The following SPMIP4 variants were observed in gnomAD, a reference collection of about 807,000 sequenced individuals.
SPMIP4 encodes sperm-associated microtubule inner protein 4.
At chr7:25,168,706 AGTGT>A in the SPMIP4 span, among the ~76,000 whole-genome samples, 1 of 151,208 alleles carries the variant, frequency 6.6e-6, no homozygotes. Context: ...CATCAGTTAT[AGTGT>A]GTTTATTTTT....
chr7:25,161,164 T>C, the SPMIP4 span: 5 of 1,392,868 alleles, frequency 3.6e-6, no homozygotes, highest in Non-Finnish European at 4.9e-6. Flanking sequence ...TTTGATTTTA[T>C]ATAAGGAAAA....
chr7:25,136,024 G>A, the SPMIP4 span: 67 of 1,613,216 alleles, frequency 4.2e-5, no homozygotes, highest in South Asian at 2.6e-4. The surrounding 1 kb of genome is among the most constrained non-coding windows in gnomAD (Gnocchi z 5.7). Flanking sequence ...CTTCATCCCC[G>A]AATGCTCATT....
the SPMIP4 span, among the ~76,000 whole-genome samples, chr7:25,146,133 T>A: frequency 6.6e-6 from 1 of 152,158 alleles, no homozygotes; most frequent in African/African-American, 2.4e-5. Context: ...TTCATTTACA[T>A]CTGGAATGAA....
chr7:25,157,811 C>T, the SPMIP4 span, among the ~76,000 whole-genome samples: 2 of 152,080 alleles, frequency 1.3e-5, no homozygotes, highest in Non-Finnish European at 2.9e-5. Flanking sequence ...CTGGATAAAG[C>T]ATGGATTTTG....
At chr7:25,129,453 G>A in the SPMIP4 span, among the ~76,000 whole-genome samples, 61 of 152,272 alleles carry the variant, frequency 4.0e-4, no homozygotes, top group Non-Finnish European at 5.6e-4. Context: ...TCACTGCCCT[G>A]TCCCTTCCGC....
At chr7:25,171,066 A>G in the SPMIP4 span, among the ~76,000 whole-genome samples, 2 of 152,218 alleles carry the variant, frequency 1.3e-5, no homozygotes, top group Non-Finnish European at 2.9e-5. Flanking sequence ...GAAGCCCTCC[A>G]GGTGATTCTT....
chr7:25,167,744 A>T, the SPMIP4 span, among the ~76,000 whole-genome samples: 1 of 152,234 alleles, frequency 6.6e-6, no homozygotes, highest in Admixed American at 6.5e-5. Flanking sequence ...AGTGTATGAT[A>T]GACTCTGCTC....
the SPMIP4 span, among the ~76,000 whole-genome samples, chr7:25,146,071 T>C: frequency 3.3e-5 from 5 of 152,266 alleles, 1 homozygote; most frequent in African/African-American, 1.2e-4. Flanking sequence ...GATATTTTAA[T>C]TAATTCTATT....
At chr7:25,154,916 G>T in the SPMIP4 span, 5 of 1,181,324 alleles carry the variant, frequency 4.2e-6, no homozygotes, top group Non-Finnish European at 6.0e-6. Context: ...ACACATTTGT[G>T]ACTTGAGTCC....
the SPMIP4 span, among the ~76,000 whole-genome samples, chr7:25,158,222 G>T: frequency 1.3e-5 from 2 of 151,456 alleles, no homozygotes; most frequent in East Asian, 3.9e-4. Flanking sequence ...ACAAAAATTA[G>T]CCAGGCATAG....
chr7:25,143,989 G>T, the SPMIP4 span, among the ~76,000 whole-genome samples: 1 of 152,210 alleles, frequency 6.6e-6, no homozygotes, highest in African/African-American at 2.4e-5. Flanking sequence ...GGAGGGTGAA[G>T]ACAAGAGGCC....
At chr7:25,139,956 G>A in the SPMIP4 span, among the ~76,000 whole-genome samples, 11 of 152,034 alleles carry the variant, frequency 7.2e-5, no homozygotes, top group South Asian at 6.2e-4. Flanking sequence ...ATTTTATCTC[G>A]TTATTCATAA....
At chr7:25,164,429 C>T in the SPMIP4 span, among the ~76,000 whole-genome samples, 1 of 152,066 alleles carries the variant, frequency 6.6e-6, no homozygotes, top group Non-Finnish European at 1.5e-5. Context: ...CTTTTGAACA[C>T]CTAGTATTGT....
chr7:25,143,799 T>C, the SPMIP4 span, among the ~76,000 whole-genome samples: 1 of 152,150 alleles, frequency 6.6e-6, no homozygotes, highest in Non-Finnish European at 1.5e-5. Context: ...GGTCTCATCA[T>C]GTTGCCCAGG....
At chr7:25,143,448 G>T in the SPMIP4 span, among the ~76,000 whole-genome samples, 1 of 152,152 alleles carries the variant, frequency 6.6e-6, no homozygotes, top group African/African-American at 2.4e-5. Context: ...CACAGTAGTG[G>T]CTGCAAACAA....
At chr7:25,154,601 C>G in the SPMIP4 span, among the ~76,000 whole-genome samples, 1 of 152,228 alleles carries the variant, frequency 6.6e-6, no homozygotes, top group East Asian at 1.9e-4. Flanking sequence ...AATTCTATCA[C>G]TGCTGCATCC....
At chr7:25,151,587 G>T in the SPMIP4 span, 1 of 1,536,312 alleles carries the variant, frequency 6.5e-7, no homozygotes. Context: ...CATTTAAAAA[G>T]ATACTTACAT....
the SPMIP4 span, among the ~76,000 whole-genome samples, chr7:25,131,545 A>G: frequency 6.6e-6 from 1 of 152,168 alleles, no homozygotes; most frequent in Admixed American, 6.5e-5. The surrounding 1 kb of genome is among the most constrained non-coding windows in gnomAD (Gnocchi z 4.2). Flanking sequence ...TATTTAGAAA[A>G]CACTTCGTAT....
chr7:25,152,739 G>A, the SPMIP4 span, among the ~76,000 whole-genome samples: 3 of 85,046 alleles, frequency 3.5e-5, 1 homozygote, highest in South Asian at 8.2e-4. Context: ...CCCTCCCTTC[G>A]TTGTCTCTCT....
Sources: gnomAD v4.1 joint callset for allele counts (sites outside exome capture counted in the v4.1 genomes callset) on GRCh38, gnomAD v4.1.1 for gene constraint, Gnocchi (gnomAD v3.1) non-coding constraint, MANE v1.5 for transcripts, NCBI Gene and HGNC (gene_info 2026-07-23, HGNC 2026-07-21) for gene names.